The following NPFFR2 variants were observed in gnomAD, a reference collection of about 807,000 sequenced individuals.
NPFFR2 encodes neuropeptide FF receptor 2, also known as G-protein coupled receptor 74.
A neutral mutation model predicts 13.1 loss-of-function variants in NPFFR2; 15 were observed. That is an observed-to-expected ratio of 1.15 (90% confidence interval 0.77 to 1.76). The LOEUF (loss-of-function observed/expected upper bound fraction) is 1.76. Among genes scored for constraint, NPFFR2 ranks in the 40% most tolerant of loss-of-function variants. The pLI is 0.00. For synonymous variants in NPFFR2, 190 were observed against 175.7 expected (o/e 1.08, Z -0.65); for missense variants, 572 against 503.5 (o/e 1.14, Z -1.30).
At chr4:72,089,465 C>G (rs530826531) in intron 1 of NPFFR2, among the ~76,000 whole-genome samples, 241 of 152,272 alleles carry the variant, frequency 1.6e-3, no homozygotes, top group Non-Finnish European at 2.0e-3. Context: ...GTTCCCTTTT[C>G]ATCACATTCT....
intron 1 of NPFFR2, among the ~76,000 whole-genome samples, chr4:72,092,846 T>C (rs28806523): frequency 0.016 from 2,416 of 152,306 alleles, 38 homozygotes; most frequent in African/African-American, 0.044. Flanking sequence ...TCAACATTAG[T>C]ATTGAAATGT....
At chr4:72,071,626 C>T (rs1198997954) in intron 1 of NPFFR2, among the ~76,000 whole-genome samples, 1 of 152,144 alleles carries the variant, frequency 6.6e-6, no homozygotes, top group African/African-American at 2.4e-5. Flanking sequence ...CCCTACCTCT[C>T]AGCCACATGA....
intron 1 of NPFFR2, among the ~76,000 whole-genome samples, chr4:72,070,126 A>G (rs1253293212): frequency 1.3e-5 from 2 of 152,188 alleles, no homozygotes; most frequent in Non-Finnish European, 1.5e-5. Flanking sequence ...AAGAGCTATA[A>G]TTGATCCCTA....
intron 1 of NPFFR2, among the ~76,000 whole-genome samples, chr4:72,058,558 G>A (rs4543075): frequency 0.89 from 135,526 of 151,964 alleles, 61,527 homozygotes; most frequent in Non-Finnish European, 0.98. Flanking sequence ...TGAAGCAGCA[G>A]TGAATATTTA....
intron 1 of NPFFR2, among the ~76,000 whole-genome samples, chr4:72,066,902 T>C (rs1332283666): frequency 6.6e-6 from 1 of 152,150 alleles, no homozygotes; most frequent in East Asian, 1.9e-4. Flanking sequence ...GCATTCCGCA[T>C]TGGTGACAGA....
chr4:72,125,706 C>G (rs1383000851), intron 1 of NPFFR2, among the ~76,000 whole-genome samples: 1 of 152,172 alleles, frequency 6.6e-6, no homozygotes, highest in Non-Finnish European at 1.5e-5. Flanking sequence ...CAGCAAAGGC[C>G]CATCAAGTTG....
chr4:72,032,266 A>T, intron 1 of NPFFR2, 66 bp downstream of exon 1: 1 of 1,470,882 alleles, frequency 6.8e-7, no homozygotes, highest in Non-Finnish European at 9.1e-7. Flanking sequence ...CTAATGCCCA[A>T]CGCTTGCCTT....
At chr4:72,044,112 G>A (rs115089770) in intron 1 of NPFFR2, among the ~76,000 whole-genome samples, 6 of 152,250 alleles carry the variant, frequency 3.9e-5, no homozygotes, top group Non-Finnish European at 8.8e-5. Flanking sequence ...TCTTCTTGCT[G>A]CCACCATGTG....
rs1722836339 is a variant in NPFFR2 at position 72,147,772 on chromosome 4, T to C, written c.1223T>C (p.Met408Thr). Residue 408 changes from methionine to threonine, a missense_variant, in exon 4 of 4, where the codon ATG becomes ACG. Physicochemically the swap from Met to Thr is moderately conservative, Grantham distance 81. Transcript: ENST00000308744. Reference protein sequence around the residue: ...SAEKPQQELVMEELKETTNSS... With the variant: ...SAEKPQQELVTEELKETTNSS... ...GAAAAACCCCAACAGGAATTAGTGA[T>C]GGAAGAATTAAAAGAAACTACTAAC... 2 of 1,586,986 alleles carry C rather than the reference T, an allele frequency of 1.3e-6. No individual in the cohort carries two copies. Among genetic ancestry groups the C allele is most frequent in the Non-Finnish European group, 1.7e-6 (2 of 1,173,130 alleles).
At chr4:72,093,979 A>G (rs552339280) in intron 1 of NPFFR2, among the ~76,000 whole-genome samples, 40 of 152,272 alleles carry the variant, frequency 2.6e-4, no homozygotes, top group Non-Finnish European at 4.3e-4. Context: ...AGGGCAGATC[A>G]GGGACTCAAG....
chr4:72,033,004 C>A (rs1718965308), intron 1 of NPFFR2, among the ~76,000 whole-genome samples: 1 of 152,000 alleles, frequency 6.6e-6, no homozygotes, highest in African/African-American at 2.4e-5. Flanking sequence ...TGCTGGTTTC[C>A]TTTTTTTAAT....
At chr4:72,114,145 A>G (rs923551945) in intron 1 of NPFFR2, among the ~76,000 whole-genome samples, 8 of 152,104 alleles carry the variant, frequency 5.3e-5, no homozygotes, top group African/African-American at 1.9e-4. Context: ...GCCAGTCAGC[A>G]GCTTTAACTC....
intron 1 of NPFFR2, among the ~76,000 whole-genome samples, chr4:72,099,147 A>G (rs1023113216): frequency 7.2e-5 from 11 of 152,194 alleles, no homozygotes; most frequent in African/African-American, 2.7e-4. Context: ...AATTACAAGT[A>G]TAAAAACCTC....
At chr4:72,105,063 A>G (rs1553892221) in intron 1 of NPFFR2, among the ~76,000 whole-genome samples, 2 of 136,192 alleles carry the variant, frequency 1.5e-5, no homozygotes, top group Non-Finnish European at 3.3e-5. Context: ...GGATGTATGT[A>G]TGCTTGATAT....
At chr4:72,134,528 A>G (rs1722349677) in intron 2 of NPFFR2, among the ~76,000 whole-genome samples, 1 of 152,166 alleles carries the variant, frequency 6.6e-6, no homozygotes, top group African/African-American at 2.4e-5. Flanking sequence ...TTGAATCAAC[A>G]TACAGAATAT....
chr4:72,142,184 G>A (rs998910054), intron 3 of NPFFR2, among the ~76,000 whole-genome samples: 2 of 152,060 alleles, frequency 1.3e-5, no homozygotes, highest in Admixed American at 6.6e-5. Context: ...CCTGAATACG[G>A]CACAGTGATG....
intron 1 of NPFFR2, among the ~76,000 whole-genome samples, chr4:72,114,640 T>A (rs1446561905): frequency 6.6e-6 from 1 of 152,006 alleles, no homozygotes; most frequent in East Asian, 1.9e-4. Context: ...AGTAGTAAAA[T>A]GTAAAAGCTT....
At chr4:72,040,118 C>T (rs1290355936) in intron 1 of NPFFR2, among the ~76,000 whole-genome samples, 3 of 151,924 alleles carry the variant, frequency 2.0e-5, no homozygotes, top group Non-Finnish European at 4.4e-5. Flanking sequence ...TCCATATTGT[C>T]GGCTGCCTTT....
At chr4:72,096,684 A>G (rs1229095910) in intron 1 of NPFFR2, among the ~76,000 whole-genome samples, 2 of 152,128 alleles carry the variant, frequency 1.3e-5, no homozygotes, top group African/African-American at 4.8e-5. Context: ...GATTGTGACA[A>G]CTAATTAACA....
Sources: allele counts gnomAD v4.1 joint callset (sites outside exome capture counted in the v4.1 genomes callset), GRCh38; gene constraint gnomAD v4.1.1; transcripts MANE v1.5; gene names NCBI Gene and HGNC (gene_info 2026-07-23, HGNC 2026-07-21).